Variants in TNIK observed in about 807,000 individuals in gnomAD.
TNIK encodes TRAF2 and NCK-interacting protein kinase.
A neutral mutation model predicts 191.3 loss-of-function variants in TNIK; 49 were observed. The observed-to-expected ratio is 0.26, with a 90% confidence interval of 0.20 to 0.32. The LOEUF (loss-of-function observed/expected upper bound fraction) is 0.32. Among genes scored for constraint, TNIK ranks in the 10% least tolerant of loss-of-function variants. The pLI, the probability that TNIK is intolerant of heterozygous loss-of-function variation, is 1.00. For synonymous variants in TNIK, 594 were observed against 600.9 expected (o/e 0.99, Z 0.17); for missense variants, 1,155 against 1,702.3 (o/e 0.68, Z 5.66).
intron 8 of TNIK, 107 bp from the exon 9 acceptor site, chr3:171,175,437 A>G: frequency 1.2e-6 from 1 of 815,760 alleles, no homozygotes. Context: ...CTCAGTTTAC[A>G]CACCACCAGT....
intron 3 of TNIK, among the ~76,000 whole-genome samples, chr3:171,222,621 C>CTT (rs1253486271): frequency 6.6e-6 from 1 of 152,122 alleles, no homozygotes; most frequent in Non-Finnish European, 1.5e-5. Flanking sequence ...AAAGATTTTT[C>CTT]TTTTCTTTTT....
intron 2 of TNIK, among the ~76,000 whole-genome samples, chr3:171,282,396 C>A (rs1750568031): frequency 7.3e-6 from 1 of 136,298 alleles, no homozygotes. Flanking sequence ...GGCTGGAGTA[C>A]AATGGCGCGA....
At chr3:171,282,334 GTTTTTTGT>G (rs1160166548) in intron 2 of TNIK, among the ~76,000 whole-genome samples, 2 of 114,522 alleles carry the variant, frequency 1.7e-5, no homozygotes, top group African/African-American at 3.5e-5. Flanking sequence ...TCTCTTAATG[GTTTTTTGT>G]TTTTTTTTTT....
At chr3:171,127,872 G>A (rs865776418) in intron 16 of TNIK, among the ~76,000 whole-genome samples, 3 of 152,138 alleles carry the variant, frequency 2.0e-5, no homozygotes, top group African/African-American at 7.2e-5. Context: ...AAAATATTTC[G>A]TGGAAGTCTT....
At chr3:171,167,921 A>C (rs1167088320) in intron 9 of TNIK, among the ~76,000 whole-genome samples, 2 of 152,196 alleles carry the variant, frequency 1.3e-5, no homozygotes, top group East Asian at 3.8e-4. Context: ...AGGAATAAGA[A>C]CATATAAGTA....
intron 18 of TNIK, among the ~76,000 whole-genome samples, chr3:171,117,218 G>C (rs1726867414): frequency 6.6e-6 from 1 of 152,146 alleles, no homozygotes; most frequent in Non-Finnish European, 1.5e-5. Context: ...AGAAAGGTGG[G>C]GACAAAATGG....
intron 4 of TNIK, among the ~76,000 whole-genome samples, chr3:171,196,909 C>T (rs1560247565): frequency 7.1e-6 from 1 of 140,492 alleles, no homozygotes; most frequent in Non-Finnish European, 1.6e-5. Context: ...CACCCGCCAT[C>T]ACGCCCGGCT....
In TNIK at chr3:171,423,862, C is replaced by T. The variant is rs542118684; in HGVS notation, c.57+36145G>A. 5.3e-4 allele frequency among the ~76,000 whole-genome samples: 80 copies of T among 152,270 alleles called. 2 individuals are homozygous for T. In the South Asian group the frequency reaches 0.016, roughly 30 times the overall value. On this transcript the variant is annotated intron_variant, in intron 1 of 32. Coordinates refer to ENST00000436636, the MANE Select transcript of TNIK (RefSeq NM_015028.4). ...ATGGATTAAAGACTTAAATGTTAGA[C>T]CGAAAACCATAAAAACCCTAGAATA...
chr3:171,334,317 C>T (rs1476208840), intron 2 of TNIK, among the ~76,000 whole-genome samples: 1 of 152,140 alleles, frequency 6.6e-6, no homozygotes, highest in African/African-American at 2.4e-5. Flanking sequence ...GCACTGTGAC[C>T]GTAGAAACTG....
intron 29 of TNIK, 67 bp from the exon 30 acceptor site, chr3:171,069,064 A>T (rs1181890214): frequency 1.9e-6 from 3 of 1,542,704 alleles, no homozygotes; most frequent in East Asian, 4.5e-5. Flanking sequence ...TCCTTTAGCC[A>T]CTGTCTAGAG....
chr3:171,319,856 C>T (rs1374002531), intron 2 of TNIK, among the ~76,000 whole-genome samples: 5 of 152,092 alleles, frequency 3.3e-5, no homozygotes, highest in East Asian at 1.9e-4. Flanking sequence ...TGTTGCCTTC[C>T]AGAAGCATTC....
At chr3:171,200,635 A>C (rs1354260280) in intron 4 of TNIK, among the ~76,000 whole-genome samples, 4 of 152,222 alleles carry the variant, frequency 2.6e-5, no homozygotes, top group Non-Finnish European at 5.9e-5. Flanking sequence ...ACATTTCAGA[A>C]TACTGAGTCA....
chr3:171,064,555 G>A (rs1197038917), intron 32 of TNIK, among the ~76,000 whole-genome samples: 1 of 152,152 alleles, frequency 6.6e-6, no homozygotes, highest in Non-Finnish European at 1.5e-5. Context: ...TTAACGCATG[G>A]TTTCTCTGCT....
chr3:171,245,868 A>T (rs1226671657), intron 2 of TNIK, among the ~76,000 whole-genome samples: 1 of 152,180 alleles, frequency 6.6e-6, no homozygotes, highest in Admixed American at 6.5e-5. Flanking sequence ...TTTTGATTTA[A>T]GTAAATCAAC....
intron 2 of TNIK, among the ~76,000 whole-genome samples, chr3:171,352,344 G>A (rs968731955): frequency 6.6e-6 from 1 of 152,068 alleles, no homozygotes; most frequent in African/African-American, 2.4e-5. Flanking sequence ...ATTCCACAAG[G>A]CTACCACACC....
In TNIK at chr3:171,210,149, TGAGA is replaced by T. The variant is rs199961271; in HGVS notation, c.306+963_306+966del. 6.9e-3 allele frequency among the ~76,000 whole-genome samples: 1,043 copies of T among 152,056 alleles called. 14 individuals are homozygous for T. The highest frequency in any genetic ancestry group is 0.024 in the African/African-American group (995 of 41,456). ...AACGACATGTGGGATGAACAGAAAT[TGAGA>T]GAGAGGAAGCGGGGAAGGAGGGACG... On this transcript the variant is annotated intron_variant, in intron 4 of 32. Coordinates refer to ENST00000436636, the MANE Select transcript of TNIK (RefSeq NM_015028.4).
chr3:171,161,384 C>T (rs766414242), intron 10 of TNIK, 48 bp from the exon 11 acceptor site: 13 of 1,561,764 alleles, frequency 8.3e-6, no homozygotes, highest in Non-Finnish European at 1.1e-5. Context: ...TGCTATGGCT[C>T]AGTAAAGCCC....
chr3:171,310,211 C>G (rs1003425560), intron 2 of TNIK, among the ~76,000 whole-genome samples: 1 of 152,050 alleles, frequency 6.6e-6, no homozygotes, highest in Non-Finnish European at 1.5e-5. Flanking sequence ...AACTATATGA[C>G]TCACAGTTGA....
Position 171,061,864 on chromosome 3 carries a change from A to AC in TNIK, c.*2016dup, listed in dbSNP as rs1411104042. On this transcript the variant is annotated 3_prime_UTR_variant, in exon 33 of 33. Coordinates refer to ENST00000436636, the MANE Select transcript of TNIK (RefSeq NM_015028.4). ...CACAACCACAGCAGTAAAAATGAGAACAGGAGGATTTCATTGCTTTTGAGA... is the reference window on the plus strand; with the variant it reads ...CACAACCACAGCAGTAAAAATGAGAACCAGGAGGATTTCATTGCTTTTGAGA... The AC allele has an allele frequency of 5.3e-4, 81 of 152,332 alleles. No homozygotes were observed. The highest frequency in any genetic ancestry group is 1.7e-3 in the African/African-American group (72 of 41,586). 9.4% of individuals were successfully genotyped at this position (152,332 alleles called of 1,614,324 possible). A position where few individuals can be genotyped will look rare whatever the true frequency, so the allele number is the denominator to read the frequency against.
Sources: allele counts gnomAD v4.1 joint callset (sites outside exome capture counted in the v4.1 genomes callset), GRCh38; gene constraint gnomAD v4.1.1; transcripts MANE v1.5; gene names NCBI Gene and HGNC (gene_info 2026-07-23, HGNC 2026-07-21).